The following ZFHX3 variants were observed in gnomAD, a reference collection of about 807,000 sequenced individuals.
The protein encoded by ZFHX3 is zinc finger homeobox protein 3.
A neutral mutation model predicts 279.1 loss-of-function variants in ZFHX3; 42 were observed. That is an observed-to-expected ratio of 0.15 (90% CI 0.12 to 0.19). The LOEUF is 0.19. Among genes scored for constraint, ZFHX3 ranks in the 10% least tolerant of loss-of-function variants. The pLI, the probability that ZFHX3 is intolerant of heterozygous loss-of-function variation, is 1.00. For synonymous variants in ZFHX3, 2,293 were observed against 1,957.8 expected (o/e 1.17, Z -4.52); for missense variants, 4,981 against 4,754.0 (o/e 1.05, Z -1.40).
chr16:72,865,020 G>T (rs1274446254), intron 4 of ZFHX3, among the ~76,000 whole-genome samples: 1 of 152,180 alleles, frequency 6.6e-6, no homozygotes. Context: ...CTACCAATGA[G>T]GCTATTTTAA....
chr16:73,044,600 G>GTGTT (rs55924998), intron 1 of ZFHX3, among the ~76,000 whole-genome samples: 22,590 of 150,890 alleles, frequency 0.15, 2,134 homozygotes, highest in Non-Finnish European at 0.21. Flanking sequence ...TAAAAGGTGA[G>GTGTT]TGTTTGTTTG....
At chr16:73,606,756 C>T (rs1299210754) in intron 2 of ZFHX3, among the ~76,000 whole-genome samples, 1 of 152,122 alleles carries the variant, frequency 6.6e-6, no homozygotes, top group African/African-American at 2.4e-5. Context: ...TGACAGGCCC[C>T]AGTGTGTGTT....
chr16:73,821,752 C>A (rs1278958498), intron 1 of ZFHX3, among the ~76,000 whole-genome samples: 1 of 152,220 alleles, frequency 6.6e-6, no homozygotes, highest in Non-Finnish European at 1.5e-5. Context: ...ATCCCTCCTG[C>A]AGCCTACAGC....
chr16:73,866,822 T>C (rs1962034845), intron 1 of ZFHX3, among the ~76,000 whole-genome samples: 1 of 152,154 alleles, frequency 6.6e-6, no homozygotes, highest in Non-Finnish European at 1.5e-5. Context: ...TGGTGAGCTG[T>C]TGACAGCTAC....
At chr16:73,747,347 C>A (rs922120537) in intron 1 of ZFHX3, among the ~76,000 whole-genome samples, 1 of 152,116 alleles carries the variant, frequency 6.6e-6, no homozygotes, top group African/African-American at 2.4e-5. Flanking sequence ...TGTACCACTG[C>A]ACTTAAGCCT....
At chr16:73,403,410 C>T (rs1433130957) in intron 3 of ZFHX3, among the ~76,000 whole-genome samples, 4 of 152,158 alleles carry the variant, frequency 2.6e-5, no homozygotes, top group Admixed American at 6.5e-5. Flanking sequence ...GCCCGCTTTG[C>T]GGTATGCAAT....
intron 2 of ZFHX3, among the ~76,000 whole-genome samples, chr16:73,678,620 A>G (rs138095048): frequency 6.6e-6 from 1 of 152,292 alleles, no homozygotes; most frequent in African/African-American, 2.4e-5. Context: ...ATGTAACAGA[A>G]ACCTGAGCTA....
chr16:73,179,888 T>C (rs1393573448), intron 5 of ZFHX3, among the ~76,000 whole-genome samples: 1 of 152,082 alleles, frequency 6.6e-6, no homozygotes, highest in African/African-American at 2.4e-5. Flanking sequence ...CACAGCCTTG[T>C]CATACAGAGA....
rs75223626 is a variant in ZFHX3, at chr16:73,572,898, C to G, written c.-1547+107282G>C. ...GCGGCCACTCCAGTATAAATTGGAT[C>G]AAATGCTCTCAGATTAATTCCTGGA... is the stretch of plus-strand genomic sequence containing the variant. On this transcript the variant is annotated intron_variant, in intron 2 of 17. Transcript: ENST00000641206. 6.5e-3 allele frequency among the ~76,000 whole-genome samples: 996 copies of G among 152,306 alleles called. 4 individuals carry two copies. The highest frequency in any genetic ancestry group is 9.9e-3 in the Non-Finnish European group (674 of 68,026).
chr16:73,052,928 C>A (rs891371927), upstream of ZFHX3, among the ~76,000 whole-genome samples: 1 of 152,068 alleles, frequency 6.6e-6, no homozygotes, highest in African/African-American at 2.4e-5. Flanking sequence ...GCCAGGGCCA[C>A]GGAAGGGGGG....
intron 1 of ZFHX3, among the ~76,000 whole-genome samples, chr16:72,983,050 A>G (rs75549917): frequency 0.014 from 2,062 of 152,194 alleles, 50 homozygotes; most frequent in African/African-American, 0.047. Context: ...AACAGAAAAG[A>G]AGGAAACCGG....
chr16:73,735,437 T>G (rs993945192), intron 1 of ZFHX3, among the ~76,000 whole-genome samples: 1 of 149,734 alleles, frequency 6.7e-6, no homozygotes, highest in Non-Finnish European at 1.5e-5. Flanking sequence ...CAGTCCTTGG[T>G]AACCGCCATC....
intron 3 of ZFHX3, among the ~76,000 whole-genome samples, chr16:73,449,206 A>G (rs2018242713): frequency 6.6e-6 from 1 of 152,230 alleles, no homozygotes; most frequent in Non-Finnish European, 1.5e-5. Flanking sequence ...CTCAAATTTT[A>G]TACCCAGCTA....
intron 4 of ZFHX3, among the ~76,000 whole-genome samples, chr16:72,832,406 C>T (rs940717795): frequency 4.6e-5 from 7 of 152,120 alleles, no homozygotes; most frequent in African/African-American, 1.7e-4. Flanking sequence ...CCCTGCCCTA[C>T]TGCAAGCAGA....
chr16:73,010,024 GAA>G (rs10709712), intron 1 of ZFHX3, among the ~76,000 whole-genome samples: 16 of 84,646 alleles, frequency 1.9e-4, no homozygotes, highest in African/African-American at 3.2e-4. Flanking sequence ...CCCTCTCAAA[GAA>G]AAAAAAAAAA....
intron 5 of ZFHX3, among the ~76,000 whole-genome samples, chr16:73,214,938 A>G (rs1211589443): frequency 7.1e-6 from 1 of 141,688 alleles, no homozygotes; most frequent in Admixed American, 7.6e-5. Flanking sequence ...CTCTGTGGGA[A>G]AACTTTTCCT....
At chr16:72,947,042 G>A (rs569033817) in intron 3 of ZFHX3, among the ~76,000 whole-genome samples, 7 of 152,308 alleles carry the variant, frequency 4.6e-5, no homozygotes, top group Non-Finnish European at 1.0e-4. Context: ...ATCCCAAGAC[G>A]GTAAATGTTA....
chr16:73,811,438 C>CTTTTTTTTTTT (rs34134056), intron 1 of ZFHX3, among the ~76,000 whole-genome samples: 1 of 106,568 alleles, frequency 9.4e-6, no homozygotes, highest in African/African-American at 3.7e-5. Context: ...TCAGTCTCTT[C>CTTTTTTTTTTT]TTTTTTTTTT....
At chr16:73,785,853 G>A (rs1959626590) in intron 1 of ZFHX3, among the ~76,000 whole-genome samples, 1 of 151,912 alleles carries the variant, frequency 6.6e-6, no homozygotes, top group Admixed American at 6.6e-5. Context: ...TGGGTACTTT[G>A]TAACCATTTC....
Sources: allele counts gnomAD v4.1 joint callset (sites outside exome capture counted in the v4.1 genomes callset), GRCh38; gene constraint gnomAD v4.1.1; transcripts MANE v1.5; gene names NCBI Gene and HGNC (gene_info 2026-07-23, HGNC 2026-07-21).